Variants in ARMC8 observed in about 807,000 individuals in gnomAD.
ARMC8 encodes the protein armadillo repeat containing 8.
Under a neutral mutation model 99.3 loss-of-function variants are expected in ARMC8, and 20 were observed. The ratio of observed to expected loss-of-function variants is 0.20; its 90% CI spans 0.14 to 0.29. The LOEUF is 0.29. ARMC8 is among the 10% of genes least tolerant of loss of function. The probability of loss-of-function intolerance (pLI) is 1.00; values close to 1 mark genes in which losing one functional copy is unlikely to be tolerated. For synonymous variants in ARMC8, 263 were observed against 278.3 expected (o/e 0.95, Z 0.55); for missense variants, 569 against 809.5 (o/e 0.70, Z 3.60).
At position 138,217,212 on chromosome 3, in the gene ARMC8, C is replaced by T. The variant is rs78741793; in HGVS notation, c.123-4714C>T. ...TCCCCGTCGTCAAATAATGTGTCCT[C>T]GTCGTTAAGCGAAGCATGACTGTAA... is the stretch of plus-strand genomic sequence containing the variant. On this transcript the variant is annotated intron_variant, in intron 2 of 21. Coordinates refer to ENST00000469044, the MANE Select transcript of ARMC8 (RefSeq NM_001363941.2). 7.2e-3 allele frequency among the ~76,000 whole-genome samples: 1,101 copies of T among 152,208 alleles called. 12 individuals are homozygous for T. The highest frequency in any genetic ancestry group is 0.025 in the African/African-American group (1,028 of 41,538).
At chr3:138,267,391 T>C in intron 15 of ARMC8, 150 bp downstream of exon 15, 2 of 485,000 alleles carry the variant, frequency 4.1e-6, no homozygotes, top group Non-Finnish European at 7.3e-6. Context: ...GGTGTGCAAA[T>C]AAATCATTCA....
intron 1 of ARMC8, chr3:138,188,196 C>A (rs2043181753): frequency 9.1e-6 from 3 of 328,568 alleles, no homozygotes; most frequent in East Asian, 5.5e-5. Flanking sequence ...GTTTTTTAAG[C>A]CCCTTTCCTC....
intron 12 of ARMC8, among the ~76,000 whole-genome samples, chr3:138,257,025 C>G (rs2047442794): frequency 6.6e-6 from 1 of 152,202 alleles, no homozygotes; most frequent in Non-Finnish European, 1.5e-5. Flanking sequence ...TCTTTCTGAA[C>G]TTCAGAGACC....
At chr3:138,222,733 G>T (rs942257545) in intron 3 of ARMC8, among the ~76,000 whole-genome samples, 4 of 152,124 alleles carry the variant, frequency 2.6e-5, no homozygotes, top group Non-Finnish European at 2.9e-5. Context: ...CCTTTCTTAG[G>T]GGATTTATGT....
chr3:138,193,472 G>A (rs1471192180), intron 1 of ARMC8, among the ~76,000 whole-genome samples: 1 of 151,972 alleles, frequency 6.6e-6, no homozygotes, highest in Non-Finnish European at 1.5e-5. Flanking sequence ...CGCCATGTTG[G>A]CCAGGCTGGT....
At chr3:138,210,035 A>T (rs1023213074) in intron 2 of ARMC8, 142 bp downstream of exon 2, 32 of 539,168 alleles carry the variant, frequency 5.9e-5, no homozygotes, top group African/African-American at 5.8e-4. Context: ...CTTGACATTC[A>T]TGACGTTTAA....
chr3:138,270,374 A>G (rs561921367), intron 16 of ARMC8, among the ~76,000 whole-genome samples: 60 of 152,172 alleles, frequency 3.9e-4, no homozygotes, highest in Non-Finnish European at 3.1e-4. Flanking sequence ...AGATGTTGAA[A>G]CTTAGCTAAT....
intron 2 of ARMC8, among the ~76,000 whole-genome samples, chr3:138,212,107 AT>A (rs1354956031): frequency 2.0e-5 from 3 of 151,060 alleles, no homozygotes; most frequent in African/African-American, 4.9e-5. Context: ...ATCACCCAAC[AT>A]TTTTTTTTCT....
chr3:138,199,077 G>A (rs2107979986), intron 1 of ARMC8, among the ~76,000 whole-genome samples: 1 of 152,198 alleles, frequency 6.6e-6, no homozygotes, highest in Non-Finnish European at 1.5e-5. Flanking sequence ...CAGATGCATT[G>A]TGAAGTAACA....
intron 1 of ARMC8, among the ~76,000 whole-genome samples, chr3:138,203,004 A>G (rs928834914): frequency 6.6e-5 from 10 of 152,154 alleles, no homozygotes; most frequent in African/African-American, 2.4e-4. Context: ...CACCATAGTC[A>G]TGGGTAGTTT....
In ARMC8 at chr3:138,221,902, T is replaced by C. The variant is rs745309026; in HGVS notation, c.123-24T>C. 6 of 1,579,360 alleles carry C rather than the reference T, an allele frequency of 3.8e-6. No homozygotes were observed. The Admixed American group carries it at 5.0e-5, about 13-fold the overall frequency. ...TCTTCAGTGCTGTCTCAACATACTT[T>C]ATTTTTTCTTCCCCTTAATTCAGAG... On this transcript the variant is annotated intron_variant, in intron 2 of 21. Coordinates refer to ENST00000469044, the MANE Select transcript of ARMC8 (RefSeq NM_001363941.2).
At chr3:138,245,786 T>G in intron 12 of ARMC8, 2 of 986,204 alleles carry the variant, frequency 2.0e-6, no homozygotes, top group South Asian at 9.4e-5. Flanking sequence ...AACACTGAAC[T>G]CATGTTCTTG....
chr3:138,255,482 C>A (rs867117896), intron 12 of ARMC8, among the ~76,000 whole-genome samples: 5 of 151,832 alleles, frequency 3.3e-5, no homozygotes, highest in Non-Finnish European at 7.4e-5. Flanking sequence ...GATTACAGGC[C>A]TGAGCCACCG....
chr3:138,201,197 C>T (rs1448152857), intron 1 of ARMC8, among the ~76,000 whole-genome samples: 2 of 151,522 alleles, frequency 1.3e-5, no homozygotes, highest in Admixed American at 6.6e-5. Flanking sequence ...CAGGCGTGAG[C>T]TATGCCTGGC....
At chr3:138,287,854 C>G (rs2050575737) in intron 19 of ARMC8, 1 of 293,278 alleles carries the variant, frequency 3.4e-6, no homozygotes, top group African/African-American at 2.2e-5. Flanking sequence ...TTTGAACATA[C>G]TAGAAATTTT....
chr3:138,227,084 A>T (rs2045735229), intron 5 of ARMC8, among the ~76,000 whole-genome samples: 1 of 152,172 alleles, frequency 6.6e-6, no homozygotes, highest in Non-Finnish European at 1.5e-5. Flanking sequence ...TAGAATAGAG[A>T]TGGGGTAGGT....
At chr3:138,229,158 A>ATATG (rs1341974822) in intron 6 of ARMC8, 148 bp downstream of exon 6, 2 of 69,354 alleles carry the variant, frequency 2.9e-5, no homozygotes, top group African/African-American at 1.3e-4. Flanking sequence ...ATATATATAT[A>ATATG]TATATATATA....
chr3:138,259,905 C>A (rs2047601318), intron 12 of ARMC8, among the ~76,000 whole-genome samples: 1 of 152,124 alleles, frequency 6.6e-6, no homozygotes, highest in Non-Finnish European at 1.5e-5. Flanking sequence ...GTCTTCCTAC[C>A]TTCCCTTTGT....
chr3:138,248,988 G>A (rs901429407), intron 12 of ARMC8, among the ~76,000 whole-genome samples: 14 of 152,150 alleles, frequency 9.2e-5, no homozygotes, highest in African/African-American at 3.4e-4. Context: ...GATTTCTTTC[G>A]AGGAACTAGA....
Sources: gnomAD v4.1 joint callset for allele counts (sites outside exome capture counted in the v4.1 genomes callset) on GRCh38, gnomAD v4.1.1 for gene constraint, MANE v1.5 for transcripts, NCBI Gene and HGNC (gene_info 2026-07-23, HGNC 2026-07-21) for gene names.